The following GGT1 variants were observed in gnomAD, a reference collection of about 807,000 sequenced individuals.
GGT1 encodes the protein gamma-glutamyltransferase 1, also known as glutathione hydrolase 1 proenzyme.
In GGT1, 21 loss-of-function variants were observed where a neutral mutation model predicts 56.0. The observed-to-expected ratio is 0.38, with a 90% CI of 0.27 to 0.54. GGT1 has a LOEUF of 0.54. GGT1 is among the 20% of genes least tolerant of loss of function. GGT1 has a pLI of 0.82. For missense variants in GGT1, 466 were observed against 787.0 expected, an observed-to-expected ratio of 0.59 and a Z score of 4.88; for synonymous variants, 238 against 342.6, an observed-to-expected ratio of 0.69 and a Z score of 3.37.
At chr22:24,595,980 G>C (rs749083333) in intron 1 of GGT1, among the ~76,000 whole-genome samples, 1 of 152,232 alleles carries the variant, frequency 6.6e-6, no homozygotes, top group Non-Finnish European at 1.5e-5. Context: ...AGAATGGTTT[G>C]GGGGCATTCG....
Position 24,621,069 on chromosome 22 carries a change from C to T in GGT1, c.732C>T (p.Ala244=), listed in dbSNP as rs56214106. The stretch of plus-strand genomic sequence containing the variant: ...AGATTGTGAAGGACATCCAGGCGGC[C>T]GGTGAGTGGGTAACCTCAGGGGCCT... ...TAQIVKDIQA[A]GGIVTAEDLN... is the part of the protein sequence containing the mutation. Residue 244 remains alanine, a splice_region_variant and synonymous_variant, in exon 9 of 16, where the codon GCC becomes GCT. Transcript: ENST00000400382. The T allele has an allele frequency of 0.018, 27,834 of 1,572,718 alleles. 318 individuals are homozygous for T. The highest frequency in any genetic ancestry group is 0.024 in the Middle Eastern group (107 of 4,396).
In GGT1 at chr22:24,620,245, C is replaced by T; in HGVS notation, c.383-83C>T. 6.7e-7 allele frequency: 1 copy of T among 1,482,494 alleles called. No homozygotes were observed. The highest frequency in any genetic ancestry group is 2.4e-5 in the East Asian group (1 of 42,312). The allele number at this position is 1,482,494 out of a possible 1,614,324, so 91.8% of individuals were successfully genotyped here. On this transcript the variant is annotated intron_variant, in intron 7 of 15. Transcript: ENST00000400382. This position sits in a 1 kb window ranked among gnomAD's most constrained non-coding sequence, Gnocchi z 5.6. ...TCATTGCCCCATCTGTAAAATGAGT[C>T]AGGGACTGTGCCTGGGATGCTGCCT...
chr22:24,592,889 G>T (rs1019114133), upstream of GGT1: 2 of 1,281,242 alleles, frequency 1.6e-6, no homozygotes, highest in Non-Finnish European at 2.0e-6. Flanking sequence ...AGCAGCTGCC[G>T]GGCGCGCTCC....
In GGT1 at chr22:24,605,402, TATA is replaced by T. The variant is rs1253581014; in HGVS notation, c.-429+1879_-429+1881del. Among the ~76,000 whole-genome samples the T allele has an allele frequency of 1.2e-4, 10 of 83,762 alleles. 2 individuals carry two copies. The East Asian group carries it at 2.2e-3, about 18-fold the overall frequency. 55.0% of individuals were successfully genotyped at this position (83,762 alleles called of 152,430 possible). A position where few individuals can be genotyped will look rare whatever the true frequency, so the allele number is the denominator to read the frequency against. On this transcript the variant is annotated intron_variant, in intron 1 of 15. Coordinates refer to ENST00000400382, the MANE Select transcript of GGT1 (RefSeq NM_001288833.2). ...ATATTATAATATGTATTATATATTA[TATA>T]ATATTATATAATATGTATTATATAT...
chr22:24,626,725 G>A (rs2047803205), intron 11 of GGT1, among the ~76,000 whole-genome samples: 1 of 151,118 alleles, frequency 6.6e-6, no homozygotes, highest in Admixed American at 6.7e-5. Flanking sequence ...AGCTGCCAGA[G>A]GGATCCTGTG....
intron 5 of GGT1, among the ~76,000 whole-genome samples, 174 bp from the exon 6 acceptor site, chr22:24,614,602 A>G: frequency 6.8e-6 from 1 of 147,110 alleles, no homozygotes. Context: ...GCAATAGAGC[A>G]AGACTCCATC....
At chr22:24,594,569 G>A (rs529357966), upstream of GGT1, among the ~76,000 whole-genome samples, 3 of 152,206 alleles carry the variant, frequency 2.0e-5, no homozygotes, top group South Asian at 6.2e-4. Context: ...GAGGACAGCA[G>A]GATGTCTTAG....
Position 24,620,360 on chromosome 22 carries a change from C to T in GGT1, c.415C>T (p.Arg139Ter), listed in dbSNP as rs1055075045. 4.3e-6 allele frequency: 7 copies of T among 1,611,646 alleles called. No individual in the cohort carries two copies. Among genetic ancestry groups the T allele is most frequent in the Admixed American group, 1.7e-5 (1 of 59,986 alleles). Residue 139 changes from arginine (R) to a stop codon, truncating the protein, a stop_gained, in exon 8 of 16, where the codon CGA (arginine) becomes TGA (stop). Transcript: ENST00000400382. LOFTEE classifies it high-confidence loss of function. This position sits in a 1 kb window ranked among gnomAD's most constrained non-coding sequence, Gnocchi z 5.6. ...GTCGGTGGCGGTGCCTGGGGAGATC[C>T]GAGGCTATGAGCTGGCACACCAGCG... ...GLSVAVPGEI[R>*]GYELAHQRHG...
At chr22:24,589,649 G>T in the GGT1 span, 1 of 753,240 alleles carries the variant, frequency 1.3e-6, no homozygotes, top group South Asian at 2.1e-5. Context: ...CTAGCTGGTG[G>T]CCAGCCTAAT....
chr22:24,598,578 GT>G (rs1490566465), upstream of GGT1, among the ~76,000 whole-genome samples: 1 of 151,882 alleles, frequency 6.6e-6, no homozygotes, highest in African/African-American at 2.4e-5. Flanking sequence ...GGATGAGTTG[GT>G]TTTTTTTGTT....
At chr22:24,624,257 A>G (rs897209215) in intron 11 of GGT1, 2 of 936,192 alleles carry the variant, frequency 2.1e-6, no homozygotes, top group Admixed American at 6.2e-5. Context: ...GGAGAGGGCC[A>G]GGTGAACAGA....
chr22:24,622,998 C>T lies in GGT1; in HGVS notation c.734-109C>T, dbSNP rs1281713432. 1.5e-5 allele frequency: 20 copies of T among 1,361,908 alleles called. No individual in the cohort carries two copies. In the Admixed American group the frequency reaches 3.4e-4, roughly 23 times the overall value. The allele number at this position is 1,361,908 out of a possible 1,614,324, so 84.4% of individuals were successfully genotyped here. On this transcript the variant is annotated intron_variant, in intron 9 of 15. Coordinates refer to ENST00000400382, the MANE Select transcript of GGT1 (RefSeq NM_001288833.2). The stretch of plus-strand genomic sequence containing the variant: ...CCTGGTAGGTACAGGCTTTTCCCCA[C>T]CACCATGGTGCAGCCATGCCTGCCC...
chr22:24,589,832 A>C, upstream of GGT1: 1 of 1,612,862 alleles, frequency 6.2e-7, no homozygotes, highest in Non-Finnish European at 8.5e-7. Flanking sequence ...TTCTTGGGGC[A>C]CTGCAGGTCC....
At chr22:24,622,259 G>A (rs996596855) in intron 9 of GGT1, among the ~76,000 whole-genome samples, 3 of 151,392 alleles carry the variant, frequency 2.0e-5, no homozygotes, top group African/African-American at 4.9e-5. Context: ...TCAAAGCATA[G>A]TGAAAAGAAA....
intron 1 of GGT1, chr22:24,598,008 C>A (rs1364872301): frequency 6.6e-6 from 1 of 152,168 alleles, no homozygotes; most frequent in East Asian, 1.9e-4. Context: ...TCTTTGGGTT[C>A]AATTAATTTG....
At chr22:24,589,291 A>G in the GGT1 span, 2 of 1,230,718 alleles carry the variant, frequency 1.6e-6, no homozygotes, top group Admixed American at 3.2e-5. Context: ...TGCAGGTGGC[A>G]AACTCCACCC....
At chr22:24,588,681 CAG>C in the GGT1 span, 1 of 1,107,044 alleles carries the variant, frequency 9.0e-7, no homozygotes, top group Non-Finnish European at 1.1e-6. Flanking sequence ...GGACTTGCCA[CAG>C]GGGGAGGAGG....
chr22:24,610,327 C>T lies in GGT1; in HGVS notation c.-212C>T, dbSNP rs1472146705. 7.7e-5 allele frequency: 20 copies of T among 260,666 alleles called. No homozygotes were observed. The highest frequency in any genetic ancestry group is 2.6e-4 in the South Asian group (7 of 26,862). The allele number at this position is 260,666 out of a possible 1,614,324, so 16.1% of individuals were successfully genotyped here. A position where few individuals can be genotyped will look rare whatever the true frequency, so the allele number is the denominator to read the frequency against. ...GTCCCCCAGAAAGGTCTGGGCTGCG[C>T]GTGCTTCAGGTAACCTCCCTTGACC... On this transcript the variant is annotated 5_prime_UTR_variant, in exon 4 of 16. Transcript: ENST00000400382.
intron 5 of GGT1, 53 bp from the exon 6 acceptor site, chr22:24,614,723 G>A (rs923972426): frequency 8.2e-6 from 13 of 1,584,382 alleles, no homozygotes; most frequent in Admixed American, 5.1e-5. Context: ...GTGTGTATGC[G>A]GGGCCAGGGT....
Sources: gnomAD v4.1 joint callset for allele counts (sites outside exome capture counted in the v4.1 genomes callset) on GRCh38, gnomAD v4.1.1 for gene constraint, Gnocchi (gnomAD v3.1) non-coding constraint, MANE v1.5 for transcripts, NCBI Gene and HGNC (gene_info 2026-07-23, HGNC 2026-07-21) for gene names.